The following SPHK2 variants were observed in gnomAD, a reference collection of about 807,000 sequenced individuals.
SPHK2 encodes sphingosine kinase 2.
A neutral mutation model predicts 32.3 loss-of-function variants in SPHK2; 18 were observed. That is an observed-to-expected ratio of 0.56 (90% CI 0.39 to 0.83). The LOEUF (loss-of-function observed/expected upper bound fraction) is 0.83, where lower values mean the gene tolerates loss of function less well. Among genes scored for constraint, SPHK2 ranks in the 40% least tolerant of loss-of-function variants. The probability of loss-of-function intolerance (pLI) is 0.00; values close to 1 mark genes in which losing one functional copy is unlikely to be tolerated. For missense variants in SPHK2, 850 were observed against 908.7 expected (o/e 0.94, Z 0.83); for synonymous variants, 462 against 417.6 (o/e 1.11, Z -1.30).
chr19:48,622,037 C>T (rs968871307), intron 2 of SPHK2, among the ~76,000 whole-genome samples: 5 of 151,930 alleles, frequency 3.3e-5, no homozygotes, highest in African/African-American at 1.2e-4. Context: ...GGGCGGATCA[C>T]GAGGTCAGGA....
chr19:48,626,204 A>C lies in SPHK2; in HGVS notation c.353A>C (p.Tyr118Ser). Residue 118 changes from tyrosine (Y) to serine (S), a missense_variant, in exon 3 of 7, where the codon TAC becomes TCC. This residue lies in a region of SPHK2 where 544 missense variants were observed against 640.0 expected (regional missense o/e 0.85). Transcript: ENST00000245222. The part of the protein sequence containing the change: ...PSDSAAYFCI[Y>S]TYPRGRRGAR... ...GACTCAGCGGCCTACTTCTGCATCT[A>C]CACCTACCCTCGGGGCCGGCGCGGG... 6.3e-7 allele frequency: 1 copy of C among 1,596,710 alleles called. No homozygotes were observed. Among genetic ancestry groups the C allele is most frequent in the Non-Finnish European group, 8.5e-7 (1 of 1,175,480 alleles).
At position 48,620,615 on chromosome 19, in the gene SPHK2, C is replaced by A. The variant is rs878872724; in HGVS notation, c.39+62C>A. The A allele has an allele frequency of 6.4e-3, 5,438 of 852,222 alleles. 1 individual carries two copies. The highest frequency in any genetic ancestry group is 8.3e-3 in the Non-Finnish European group (4,829 of 585,170). 52.8% of individuals were successfully genotyped at this position (852,222 alleles called of 1,614,324 possible). ...TGGAAAGACAAAATCTGAAGCTTTT[C>A]TTTAAAAAAAAAAAAAAAAAATTGG... On this transcript the variant is annotated intron_variant, in intron 2 of 6. Transcript: ENST00000245222.
chr19:48,622,480 G>T (rs1323786913), intron 2 of SPHK2, among the ~76,000 whole-genome samples: 1 of 152,100 alleles, frequency 6.6e-6, no homozygotes, highest in East Asian at 1.9e-4. Context: ...TGTGTGAGCT[G>T]CAGGGTCCTT....
chr19:48,629,567 A>G lies in SPHK2; in HGVS notation c.1759A>G (p.Met587Val), dbSNP rs765167981. The G allele has an allele frequency of 6.2e-7, 1 of 1,600,742 alleles. No individual in the cohort carries two copies. Among genetic ancestry groups the G allele is most frequent in the Non-Finnish European group, 8.5e-7 (1 of 1,174,374 alleles). ...RAALLRLFLA[M>V]ERGSHFSLGC... ...TGCGCTGCTGCGCCTTTTCTTGGCCATGGAGCGTGGTAGCCACTTCAGCCT... is the reference window on the plus strand; with the variant it reads ...TGCGCTGCTGCGCCTTTTCTTGGCCGTGGAGCGTGGTAGCCACTTCAGCCT... The change falls in exon 7 of 7, where the codon ATG becomes GTG. Residue 587 changes from methionine (M) to valine (V), a missense_variant. Met to Val is a conservative substitution (Grantham distance 21). Coordinates refer to ENST00000245222, the MANE Select transcript of SPHK2 (RefSeq NM_020126.5).
rs747069936 is a variant in SPHK2 at position 48,629,294 on chromosome 19, T to C, written c.1486T>C (p.Ser496Pro). 1 of 1,613,354 alleles carries C rather than the reference T, an allele frequency of 6.2e-7. No homozygotes were observed. Among genetic ancestry groups the C allele is most frequent in the Non-Finnish European group, 8.5e-7 (1 of 1,179,908 alleles). Reference protein sequence around the residue: ...VSEGAPVIPPSSGLPLPTPDA... With the variant: ...VSEGAPVIPPPSGLPLPTPDA... Reference sequence around the variant, plus strand: ...CGAAGGGGCCCCCGTAATTCCCCCATCCTCTGGGCTCCCACTTCCCACCCC... The same window carrying C: ...CGAAGGGGCCCCCGTAATTCCCCCACCCTCTGGGCTCCCACTTCCCACCCC... The change falls in exon 7 of 7, where the codon TCC becomes CCC. Residue 496 changes from serine to proline, a missense_variant. By Grantham distance (74) the Ser-to-Pro change is moderately conservative (BLOSUM62 -1). Around this residue, in one of 2 missense-constraint regions of SPHK2, gnomAD observed 306 missense variants for 268.6 expected, o/e 1.14. Coordinates refer to ENST00000245222, the MANE Select transcript of SPHK2 (RefSeq NM_020126.5).
At position 48,625,967 on chromosome 19, in the gene SPHK2, C is replaced by T. The variant is rs768262963; in HGVS notation, c.116C>T (p.Pro39Leu). The T allele has an allele frequency of 4.3e-6, 7 of 1,612,514 alleles. No homozygotes were observed. The highest frequency in any genetic ancestry group is 1.7e-5 in the Admixed American group (1 of 59,964). ...STLVRAKAMAPPPPPLAASTP... is the reference protein window; with the variant it reads ...STLVRAKAMALPPPPLAASTP... ...CTGGTCAGGGCTAAGGCCATGGCCC[C>T]GCCCCCACCGCCACTGGCTGCCAGC... The change falls in exon 3 of 7, where the codon CCG becomes CTG. Residue 39 changes from proline to leucine, a missense_variant. Transcript: ENST00000245222.
chr19:48,622,757 C>CTTTTTTTTTTTTTT (rs779108312), intron 2 of SPHK2, among the ~76,000 whole-genome samples: 6 of 108,544 alleles, frequency 5.5e-5, no homozygotes, highest in Admixed American at 1.1e-4. Flanking sequence ...ATTTGTCTCT[C>CTTTTTTTTTTTTTT]TTTTTTTTTT....
intron 2 of SPHK2, 65 bp downstream of exon 2, chr19:48,620,618 TAAAAAAAA>T: frequency 1.9e-6 from 2 of 1,026,162 alleles, no homozygotes; most frequent in East Asian, 5.7e-5. Context: ...AGCTTTTCTT[TAAAAAAAA>T]AAAAAAAAAA....
At position 48,630,125 on chromosome 19, in the gene SPHK2, G is replaced by A; in HGVS notation, c.*352G>A. ...CTATTTTACGCGTCGCCCAATGACA[G>A]GACCTGGAATGTACTGGCTGGGGTA... On this transcript the variant is annotated 3_prime_UTR_variant, in exon 7 of 7. Transcript: ENST00000245222. This position sits in a 1 kb window ranked among gnomAD's most constrained non-coding sequence, Gnocchi z 4.9. 1.6e-6 allele frequency: 2 copies of A among 1,256,654 alleles called. No homozygotes were observed. The highest frequency in any genetic ancestry group is 1.5e-5 in the African/African-American group (1 of 65,566). The allele number at this position is 1,256,654 out of a possible 1,614,324, so 77.8% of individuals were successfully genotyped here.
At position 48,629,786 on chromosome 19, in the gene SPHK2, T is replaced by C; in HGVS notation, c.*13T>C. On this transcript the variant is annotated 3_prime_UTR_variant, in exon 7 of 7. Transcript: ENST00000245222. Reference sequence around the variant, plus strand: ...GCGGGAGCCCTGAAACTAAACAAGCTTGGTACCCGCCGGGGGCGGGGCCTA... The same window carrying C: ...GCGGGAGCCCTGAAACTAAACAAGCCTGGTACCCGCCGGGGGCGGGGCCTA... 2 of 1,547,464 alleles carry C rather than the reference T, an allele frequency of 1.3e-6. No homozygotes were observed. Among genetic ancestry groups the C allele is most frequent in the Non-Finnish European group, 1.7e-6 (2 of 1,144,868 alleles).
chr19:48,627,718 C>A lies in SPHK2; in HGVS notation c.538C>A (p.Pro180Thr), dbSNP rs950964263. ...GEITPDLLPR[P>T]PRLLLLVNPF... ...GATCACCCCTGACCTGCTACCTCGG[C>A]CGCCCCGGTTGCTTCTATTGGTCAA... The change falls in exon 4 of 7, where the codon CCG becomes ACG. Residue 180 changes from proline (P) to threonine (T), a missense_variant. Physicochemically the swap from Pro to Thr is conservative, Grantham distance 38 (BLOSUM62 -1). Around this residue, in one of 2 missense-constraint regions of SPHK2, gnomAD observed 544 missense variants for 640.0 expected, o/e 0.85. Coordinates refer to ENST00000245222, the MANE Select transcript of SPHK2 (RefSeq NM_020126.5). The A allele has an allele frequency of 1.2e-6, 2 of 1,607,424 alleles. No homozygotes were observed. The highest frequency in any genetic ancestry group is 2.2e-5 in the East Asian group (1 of 44,872).
chr19:48,625,243 T>C (rs1253257720), intron 2 of SPHK2: 6 of 1,070,260 alleles, frequency 5.6e-6, no homozygotes, highest in African/African-American at 1.7e-5. Flanking sequence ...GCCTTTCTCG[T>C]TGGGGTGAAA....
intron 2 of SPHK2, chr19:48,624,914 G>A (rs189380943): frequency 2.3e-5 from 23 of 986,362 alleles, no homozygotes; most frequent in Admixed American, 6.1e-5. Context: ...CCTGGGGAAT[G>A]TGAGGGGCAG....
intron 4 of SPHK2, 61 bp from the exon 5 acceptor site, chr19:48,627,914 C>T (rs1471926750): frequency 1.3e-6 from 2 of 1,570,170 alleles, no homozygotes; most frequent in East Asian, 2.3e-5. Context: ...GTGGGTGGGA[C>T]TCCTGGGTCT....
chr19:48,620,659 C>A (rs1216050705), intron 2 of SPHK2, 106 bp downstream of exon 2: 2 of 1,005,128 alleles, frequency 2.0e-6, no homozygotes, highest in South Asian at 1.6e-5. Flanking sequence ...CGTGGTAGCT[C>A]AAGCTTGTAA....
At chr19:48,625,284 C>T in intron 2 of SPHK2, 1 of 1,106,582 alleles carries the variant, frequency 9.0e-7, no homozygotes. Context: ...TCTTTCATCG[C>T]CTGAGTTTCA....
intron 2 of SPHK2, chr19:48,623,769 T>TC (rs1383755959): frequency 6.6e-6 from 1 of 152,308 alleles, no homozygotes; most frequent in African/African-American, 2.4e-5. Flanking sequence ...AGTGTCTGTC[T>TC]CCATCTGTCT....
In SPHK2 at chr19:48,626,057, T is replaced by C. The variant is rs373456164; in HGVS notation, c.206T>C (p.Leu69Pro). 6.2e-7 allele frequency: 1 copy of C among 1,613,286 alleles called. No individual in the cohort carries two copies. Among genetic ancestry groups the C allele is most frequent in the Non-Finnish European group, 8.5e-7 (1 of 1,179,862 alleles). ...PARGPRFALT[L>P]TSQALHIQRL... ...CGAGGCCCACGCTTTGCCCTCACCC[T>C]TACATCGCAGGCCCTGCACATACAG... Residue 69 changes from leucine (L) to proline (P), a missense_variant, in exon 3 of 7, where the codon CTT becomes CCT. By Grantham distance (98) the Leu-to-Pro change is moderately conservative. Coordinates refer to ENST00000245222, the MANE Select transcript of SPHK2 (RefSeq NM_020126.5).
chr19:48,625,275 C>T, intron 2 of SPHK2: 2 of 1,102,394 alleles, frequency 1.8e-6, no homozygotes, highest in Non-Finnish European at 1.1e-6. Context: ...TCTTAAGTAT[C>T]TTTCATCGCC....
Sources: gnomAD v4.1 joint callset for allele counts (sites outside exome capture counted in the v4.1 genomes callset) on GRCh38, gnomAD v4.1.1 for gene constraint, gnomAD v4.1.1 regional missense constraint, Gnocchi (gnomAD v3.1) non-coding constraint, MANE v1.5 for transcripts, NCBI Gene and HGNC (gene_info 2026-07-23, HGNC 2026-07-21) for gene names.